CLASP1: variants seen among roughly 807,000 people sequenced by gnomAD.
CLASP1 encodes CLIP-associating protein 1.
CLASP1 carries 38 observed loss-of-function variants against 192.3 expected under a neutral mutation model. That is an observed-to-expected ratio of 0.20 (90% CI 0.15 to 0.26). The LOEUF (loss-of-function observed/expected upper bound fraction) is 0.26, where lower values mean the gene tolerates loss of function less well. Ranked by LOEUF, CLASP1 falls within the 10% of genes least tolerant of loss-of-function variation. The probability of loss-of-function intolerance (pLI) is 1.00; values close to 1 mark genes in which losing one functional copy is unlikely to be tolerated. For missense variants in CLASP1, 1,433 were observed against 1,932.5 expected (o/e 0.74, Z 4.85); for synonymous variants, 691 against 712.8 (o/e 0.97, Z 0.49).
At chr2:121,479,037 A>C (rs1575291304) in intron 8 of CLASP1, among the ~76,000 whole-genome samples, 1 of 54,584 alleles carries the variant, frequency 1.8e-5, no homozygotes, top group African/African-American at 8.3e-5. Context: ...CACACCCCAC[A>C]CACACACACA....
intron 8 of CLASP1, among the ~76,000 whole-genome samples, chr2:121,479,026 ACACACC>A (rs2092339574): frequency 3.2e-5 from 2 of 63,426 alleles, no homozygotes; most frequent in African/African-American, 1.7e-4. Context: ...CCACACACAC[ACACACC>A]CCACACACAC....
exon 40 of CLASP1, chr2:121,339,414 A>C (rs145666707): frequency 2.0e-5 from 3 of 152,336 alleles, no homozygotes; most frequent in Admixed American, 6.5e-5. Flanking sequence ...ATCTCAAAAG[A>C]AGCATTTTCC....
chr2:121,387,664 G>T, intron 31 of CLASP1, 99 bp downstream of exon 32: 1 of 1,196,706 alleles, frequency 8.4e-7, no homozygotes. Context: ...CCTGAAAGAG[G>T]ACAAGGAAAC....
chr2:121,444,572 A>C (rs1297393599), intron 19 of CLASP1, among the ~76,000 whole-genome samples: 1 of 152,206 alleles, frequency 6.6e-6, no homozygotes, highest in Non-Finnish European at 1.5e-5. Context: ...AAAGAAAAGG[A>C]AACAAAAGCT....
intron 14 of CLASP1, among the ~76,000 whole-genome samples, chr2:121,456,321 T>C (rs757485053): frequency 4.8e-5 from 7 of 146,526 alleles, no homozygotes; most frequent in Non-Finnish European, 9.0e-5. Context: ...GGCAACATAA[T>C]GAGACCCCCG....
chr2:121,530,394 C>CG lies in CLASP1; in HGVS notation c.196-70dup, dbSNP rs551522093. ...GGGCAGCGCTCCCGCCCACCCGCTCCGGGGAGGCCTAGACATTTCCGGCCC... is the reference window on the plus strand; with the variant it reads ...GGGCAGCGCTCCCGCCCACCCGCTCCGGGGGAGGCCTAGACATTTCCGGCCC... On this transcript the variant is annotated intron_variant, in intron 2 of 39. Coordinates refer to ENST00000263710, the Ensembl canonical transcript of CLASP1. The CG allele has an allele frequency of 1.4e-4, 180 of 1,287,462 alleles. No homozygotes were observed. The African/African-American group carries it at 2.2e-3, about 16-fold the overall frequency. 79.8% of individuals were successfully genotyped at this position (1,287,462 alleles called of 1,614,324 possible). A position where few individuals can be genotyped will look rare whatever the true frequency, so the allele number is the denominator to read the frequency against.
intron 37 of CLASP1, among the ~76,000 whole-genome samples, chr2:121,353,004 T>A (rs905498551): frequency 6.6e-6 from 1 of 152,178 alleles, no homozygotes; most frequent in African/African-American, 2.4e-5. Context: ...AGACAAGATG[T>A]AAACCAGCTT....
chr2:121,535,052 C>T (rs1050833523), intron 2 of CLASP1, among the ~76,000 whole-genome samples: 1 of 152,108 alleles, frequency 6.6e-6, no homozygotes, highest in Non-Finnish European at 1.5e-5. Context: ...CAGAGGCAGG[C>T]GGATTGCCTT....
At chr2:121,362,531 G>A (rs1189815669) in intron 37 of CLASP1, among the ~76,000 whole-genome samples, 1 of 152,198 alleles carries the variant, frequency 6.6e-6, no homozygotes, top group East Asian at 1.9e-4. Flanking sequence ...AGTGGAAGAG[G>A]CACAGCAGGG....
intron 2 of CLASP1, among the ~76,000 whole-genome samples, chr2:121,567,093 A>G (rs2059575855): frequency 6.6e-6 from 1 of 152,218 alleles, no homozygotes; most frequent in Non-Finnish European, 1.5e-5. Flanking sequence ...TACAACAGCA[A>G]CTAACAAGAT....
intron 33 of CLASP1, 58 bp from the exon 35 acceptor site, chr2:121,377,707 T>C (rs896763308): frequency 3.4e-6 from 4 of 1,167,798 alleles, no homozygotes; most frequent in Non-Finnish European, 3.5e-6. Context: ...AACTGAGATA[T>C]GGGCATAAGT....
intron 7 of CLASP1, among the ~76,000 whole-genome samples, chr2:121,514,089 G>A (rs1305073423): frequency 6.6e-6 from 1 of 152,174 alleles, no homozygotes; most frequent in African/African-American, 2.4e-5. Context: ...CAGGCCAGCT[G>A]CATTAACTCT....
At chr2:121,371,485 T>C (rs1009861551) in intron 34 of CLASP1, among the ~76,000 whole-genome samples, 66 of 152,022 alleles carry the variant, frequency 4.3e-4, no homozygotes, top group Admixed American at 4.3e-3. Flanking sequence ...GCAATCCTCC[T>C]GCCTTGGCCT....
chr2:121,467,482 G>A (rs879744209), intron 9 of CLASP1, among the ~76,000 whole-genome samples: 14 of 152,076 alleles, frequency 9.2e-5, no homozygotes, highest in Admixed American at 4.6e-4. Context: ...TTGTTTTTCT[G>A]AATTTTTAAT....
intron 2 of CLASP1, among the ~76,000 whole-genome samples, chr2:121,540,990 AT>A (rs2095221166): frequency 6.6e-6 from 1 of 152,186 alleles, no homozygotes; most frequent in African/African-American, 2.4e-5. Flanking sequence ...ACATCATTAA[AT>A]TGTGTCTTTG....
chr2:121,491,460 G>A (rs1469865050), intron 8 of CLASP1, among the ~76,000 whole-genome samples: 1 of 152,164 alleles, frequency 6.6e-6, no homozygotes, highest in Admixed American at 6.5e-5. Flanking sequence ...AGATCATTAA[G>A]TGGTTGCAGA....
chr2:121,368,483 C>T (rs2067896749), intron 34 of CLASP1, among the ~76,000 whole-genome samples: 1 of 151,058 alleles, frequency 6.6e-6, no homozygotes, highest in South Asian at 2.1e-4. Context: ...TGAATGTTGT[C>T]TTCAACAAAT....
At chr2:121,509,360 A>G (rs1364706046) in intron 7 of CLASP1, among the ~76,000 whole-genome samples, 1 of 152,136 alleles carries the variant, frequency 6.6e-6, no homozygotes, top group African/African-American at 2.4e-5. Context: ...ATTTTTTTGT[A>G]GAAACGGGGT....
chr2:121,485,538 G>A (rs560195549), intron 8 of CLASP1, among the ~76,000 whole-genome samples: 61 of 151,828 alleles, frequency 4.0e-4, no homozygotes, highest in African/African-American at 1.4e-3. Context: ...TTCCAATTGT[G>A]TGTGTGTGTT....
Sources: allele counts gnomAD v4.1 joint callset (sites outside exome capture counted in the v4.1 genomes callset), GRCh38; gene constraint gnomAD v4.1.1; transcripts MANE v1.5; gene names NCBI Gene and HGNC (gene_info 2026-07-23, HGNC 2026-07-21).